Variants in C1orf21 observed in about 807,000 individuals in gnomAD.
The protein encoded by C1orf21 is chromosome 1 open reading frame 21, also known as uncharacterized protein C1orf21.
C1orf21 carries 3 observed loss-of-function variants against 18.7 expected under a neutral mutation model. The observed-to-expected ratio is 0.16, with a 90% CI of 0.07 to 0.42. The LOEUF is 0.42. C1orf21 is among the 10% of genes least tolerant of loss of function. C1orf21 has a pLI of 0.99. For synonymous variants in C1orf21, 41 were observed against 46.4 expected, an observed-to-expected ratio of 0.88 and a Z score of 0.47; for missense variants, 104 against 143.6, an observed-to-expected ratio of 0.72 and a Z score of 1.41.
chr1:184,398,323 A>T (rs939533152), intron 1 of C1orf21, among the ~76,000 whole-genome samples: 10 of 152,184 alleles, frequency 6.6e-5, no homozygotes, highest in Non-Finnish European at 2.9e-5. Flanking sequence ...ACTAAGCCTC[A>T]GTGTGTTTAG....
intron 3 of C1orf21, among the ~76,000 whole-genome samples, chr1:184,529,215 T>C (rs1348022271): frequency 1.3e-5 from 2 of 152,234 alleles, no homozygotes; most frequent in East Asian, 3.8e-4. Context: ...TCTGCTTTCT[T>C]TCTCCTCTAG....
At chr1:184,426,425 C>T (rs1656637989) in intron 1 of C1orf21, among the ~76,000 whole-genome samples, 2 of 152,106 alleles carry the variant, frequency 1.3e-5, no homozygotes, top group African/African-American at 4.8e-5. Flanking sequence ...CAGTAACACA[C>T]CCCATTGGTG....
chr1:184,568,467 G>A, intron 3 of C1orf21: 1 of 470,594 alleles, frequency 2.1e-6, no homozygotes, highest in South Asian at 1.6e-5. Context: ...GCATTTTAGA[G>A]AAGTTCTTAT....
chr1:184,615,355 C>G (rs1014252043), intron 5 of C1orf21, among the ~76,000 whole-genome samples: 1 of 152,166 alleles, frequency 6.6e-6, no homozygotes, highest in African/African-American at 2.4e-5. Flanking sequence ...TTCAAACAAG[C>G]CTTCTTTGTC....
chr1:184,565,532 C>G (rs933332365), intron 3 of C1orf21, among the ~76,000 whole-genome samples: 1 of 152,252 alleles, frequency 6.6e-6, no homozygotes, highest in Non-Finnish European at 1.5e-5. Flanking sequence ...GAAAGGTCAT[C>G]ACATTCATTC....
intron 3 of C1orf21, among the ~76,000 whole-genome samples, chr1:184,540,514 C>T (rs1442173699): frequency 6.6e-6 from 1 of 152,012 alleles, no homozygotes; most frequent in South Asian, 2.1e-4. Context: ...ACTGCAACCT[C>T]CACCTCCTGG....
At chr1:184,500,662 CT>C (rs1310775861) in intron 2 of C1orf21, among the ~76,000 whole-genome samples, 1 of 152,184 alleles carries the variant, frequency 6.6e-6, no homozygotes, top group Non-Finnish European at 1.5e-5. Context: ...AGAGAAAGGT[CT>C]TTTGAAGCCA....
chr1:184,472,356 C>G (rs1396709877), intron 1 of C1orf21, among the ~76,000 whole-genome samples: 1 of 152,102 alleles, frequency 6.6e-6, no homozygotes, highest in African/African-American at 2.4e-5. Flanking sequence ...AATTTGATTT[C>G]TTTCCAGTCC....
rs1660048511 is a variant in C1orf21, at chr1:184,628,166, C to G, written c.*8610C>G. 6.6e-6 allele frequency: 1 copy of G among 152,198 alleles called. No individual in the cohort carries two copies. The highest frequency in any genetic ancestry group is 1.5e-5 in the Non-Finnish European group (1 of 68,042). 9.4% of individuals were successfully genotyped at this position (152,198 alleles called of 1,614,324 possible). A position where few individuals can be genotyped will look rare whatever the true frequency, so the allele number is the denominator to read the frequency against. On this transcript the variant is annotated 3_prime_UTR_variant, in exon 6 of 6. Transcript: ENST00000235307. ...CCCGGAAGGGTGGCCTCCCTAACCA[C>G]TCTGCCTGCACATGAATTCTCCAAA...
intron 1 of C1orf21, among the ~76,000 whole-genome samples, chr1:184,394,188 T>C (rs536273464): frequency 9.2e-5 from 14 of 152,320 alleles, no homozygotes; most frequent in African/African-American, 3.1e-4. Flanking sequence ...CCTGAGTGCT[T>C]TAGGGCTTTT....
At position 184,410,640 on chromosome 1, in the gene C1orf21, TATATATATATATATATA is replaced by T. The variant is rs1319581403; in HGVS notation, c.-125+23273_-125+23289del. Among the ~76,000 whole-genome samples the T allele has an allele frequency of 4.9e-3, 24 of 4,902 alleles. 9 individuals carry two copies. Among genetic ancestry groups the T allele is most frequent in the African/African-American group, 0.04 (13 of 324 alleles). 3.2% of individuals were successfully genotyped at this position (4,902 alleles called of 152,430 possible). ...TATTATATATATATATATATATATATATATATATATATATATATATATATTTTTTTTTTTTTTTTTTG... is the reference window on the plus strand; with the variant it reads ...TATTATATATATATATATATATATATTATATATTTTTTTTTTTTTTTTTTG... On this transcript the variant is annotated intron_variant, in intron 1 of 5. Transcript: ENST00000235307.
Position 184,509,397 on chromosome 1 carries a change from G to C in C1orf21, c.189+1715G>C, listed in dbSNP as rs190157541. On this transcript the variant is annotated intron_variant, in intron 3 of 5. Transcript: ENST00000235307. Reference sequence around the variant, plus strand: ...TTTATTTGTGGATTATCTGTGACAAGCCTCGCCCCTTTGCTCTGCCAGCCA... The same window carrying C: ...TTTATTTGTGGATTATCTGTGACAACCCTCGCCCCTTTGCTCTGCCAGCCA... Among the ~76,000 whole-genome samples the C allele has an allele frequency of 8.5e-5, 13 of 152,300 alleles. No individual in the cohort carries two copies. In the East Asian group the frequency reaches 2.5e-3, roughly 29 times the overall value.
intron 2 of C1orf21, among the ~76,000 whole-genome samples, chr1:184,501,223 T>C (rs186065772): frequency 7.8e-4 from 119 of 152,274 alleles, no homozygotes; most frequent in African/African-American, 2.8e-3. Context: ...TAGTAAGACT[T>C]GTATAAGGTC....
Position 184,447,721 on chromosome 1 carries a change from C to T in C1orf21, c.-124-29665C>T, listed in dbSNP as rs1022367786. On this transcript the variant is annotated intron_variant, in intron 1 of 5. Transcript: ENST00000235307. ...GGTACAATGTCTCAGTTTAGACCCT[C>T]GACATCTCTCCCCTGGTCACTGGAC... 4.6e-5 allele frequency among the ~76,000 whole-genome samples: 7 copies of T among 152,112 alleles called. No homozygotes were observed. The East Asian group carries it at 5.8e-4, about 13-fold the overall frequency.
At chr1:184,414,758 G>A (rs374337204) in intron 1 of C1orf21, among the ~76,000 whole-genome samples, 1 of 152,166 alleles carries the variant, frequency 6.6e-6, no homozygotes, top group South Asian at 2.1e-4. Context: ...TGTTGATACT[G>A]TTCCTTTGTT....
At chr1:184,510,834 A>C (rs1028358096) in intron 3 of C1orf21, among the ~76,000 whole-genome samples, 7 of 152,356 alleles carry the variant, frequency 4.6e-5, no homozygotes, top group African/African-American at 1.7e-4. Context: ...TTATGTGGCA[A>C]CAGCTGGTGT....
intron 3 of C1orf21, among the ~76,000 whole-genome samples, chr1:184,532,361 G>T (rs1658475946): frequency 6.6e-6 from 1 of 152,190 alleles, no homozygotes; most frequent in African/African-American, 2.4e-5. Flanking sequence ...AAGGTTTCTA[G>T]TAAGTGACTG....
At chr1:184,526,449 T>G (rs1658377235) in intron 3 of C1orf21, among the ~76,000 whole-genome samples, 2 of 152,194 alleles carry the variant, frequency 1.3e-5, no homozygotes, top group Admixed American at 6.5e-5. Flanking sequence ...ATTCTTTTAC[T>G]TGGGATCATT....
chr1:184,444,966 A>G (rs1365703882), intron 1 of C1orf21, among the ~76,000 whole-genome samples: 2 of 152,138 alleles, frequency 1.3e-5, no homozygotes, highest in East Asian at 1.9e-4. Context: ...TATTTGTTCA[A>G]TGGTCATGTG....
Sources: allele counts gnomAD v4.1 joint callset (sites outside exome capture counted in the v4.1 genomes callset), GRCh38; gene constraint gnomAD v4.1.1; transcripts MANE v1.5; gene names NCBI Gene and HGNC (gene_info 2026-07-23, HGNC 2026-07-21).